The following PHF12 variants were observed in gnomAD, a reference collection of about 807,000 sequenced individuals.
PHF12 encodes PHD factor 1.
In PHF12, 6 loss-of-function variants were observed where a neutral mutation model predicts 99.8. The observed-to-expected ratio is 0.06, with a 90% CI of 0.03 to 0.12. The LOEUF (loss-of-function observed/expected upper bound fraction) is 0.12. Ranked by LOEUF, PHF12 falls within the 10% of genes least tolerant of loss-of-function variation. PHF12 has a pLI of 1.00. For missense variants in PHF12, 954 were observed against 1,300.1 expected (o/e 0.73, Z 4.09); for synonymous variants, 480 against 514.9 (o/e 0.93, Z 0.92).
chr17:28,924,095 T>A lies in PHF12; in HGVS notation c.529A>T (p.Thr177Ser). 6.2e-7 allele frequency: 1 copy of A among 1,614,158 alleles called. No individual in the cohort carries two copies. Among genetic ancestry groups the A allele is most frequent in the Non-Finnish European group, 8.5e-7 (1 of 1,180,022 alleles). ...TCGTCGACATCATTCTGCTCAGAGG[T>A]GGGAGTCTCTGTGCTGGCGCTGGAT... is the stretch of plus-strand genomic sequence containing the variant. Reference protein sequence around the residue: ...PTSSASTETPTSEQNDVDEDI... With the variant: ...PTSSASTETPSSEQNDVDEDI... The change falls in exon 4 of 15, where the codon ACC becomes TCC. Residue 177 changes from threonine to serine, a missense_variant. Coordinates refer to ENST00000332830, the MANE Select transcript of PHF12 (RefSeq NM_001033561.2).
rs763495366 is a variant in PHF12 at position 28,912,997 on chromosome 17, C to T, written c.1574G>A (p.Cys525Tyr). 1.3e-5 allele frequency: 21 copies of T among 1,614,212 alleles called. No homozygotes were observed. The South Asian group carries it at 2.3e-4, about 18-fold the overall frequency. Reference protein sequence around the residue: ...PALEDIGCSSCAEKSKKTPCG... With the variant: ...PALEDIGCSSYAEKSKKTPCG... The stretch of plus-strand genomic sequence containing the variant: ...AGGGGTTTTCTTGGATTTTTCCGCA[C>T]AAGAACTGCAGCCGATGTCCTCTAG... The change falls in exon 9 of 15, where the codon TGT becomes TAT. Residue 525 changes from cysteine to tyrosine, a missense_variant. Transcript: ENST00000332830.
rs2039991624 is a variant in PHF12, at chr17:28,912,914, A to G, written c.1657T>C (p.Tyr553His). ...TEVKANGPHL[Y>H]SSPTDSTDPR... The stretch of plus-strand genomic sequence containing the variant: ...TCCGTGGAATCAGTAGGGCTGCTGT[A>G]GAGGTGTGGGCCATTAGCTTTCACC... Residue 553 changes from tyrosine (Y) to histidine (H), a missense_variant, in exon 9 of 15, where the codon TAC (tyrosine) becomes CAC (histidine). Tyr to His is a moderately conservative substitution (Grantham distance 83). Around this residue, in one of 8 missense-constraint regions of PHF12, gnomAD observed 392 missense variants for 423.1 expected, o/e 0.93. Coordinates refer to ENST00000332830, the MANE Select transcript of PHF12 (RefSeq NM_001033561.2). The G allele has an allele frequency of 8.1e-6, 13 of 1,614,080 alleles. No individual in the cohort carries two copies. The highest frequency in any genetic ancestry group is 1.1e-5 in the Non-Finnish European group (13 of 1,180,014).
chr17:28,913,066 G>C lies in PHF12; in HGVS notation c.1505C>G (p.Thr502Ser). The C allele has an allele frequency of 6.2e-7, 1 of 1,614,170 alleles. No individual in the cohort carries two copies. ...TGGAGAGCAGCTCAGGGAATTCTGG[G>C]TGCTAATCCCTGAGGGGCAGGACAA... is the stretch of plus-strand genomic sequence containing the variant. ...YPLSCPSGIS[T>S]QNSLSCSPPH... is the part of the protein sequence containing the mutation. The change falls in exon 9 of 15, where the codon ACC (threonine) becomes AGC (serine). Residue 502 changes from threonine (T) to serine (S), a missense_variant. Physicochemically the swap from Thr to Ser is moderately conservative, Grantham distance 58. Around this residue, in one of 8 missense-constraint regions of PHF12, gnomAD observed 392 missense variants for 423.1 expected, o/e 0.93. Transcript: ENST00000332830.
In PHF12 at chr17:28,923,651, C is replaced by CAAAAAAAAAAAAAAA. The variant is rs1491183033; in HGVS notation, c.715+257_715+258insTTTTTTTTTTTTTTT. Among the ~76,000 whole-genome samples the CAAAAAAAAAAAAAAA allele has an allele frequency of 9.9e-3, 217 of 21,942 alleles. 16 individuals are homozygous for CAAAAAAAAAAAAAAA. Among genetic ancestry groups the CAAAAAAAAAAAAAAA allele is most frequent in the African/African-American group, 0.033 (142 of 4,318 alleles). The allele number at this position is 21,942 out of a possible 152,430, so 14.4% of individuals were successfully genotyped here. On this transcript the variant is annotated intron_variant, in intron 4 of 14. Transcript: ENST00000332830. ...CTAGCCTGAGTGACAAAGTGAGACT[C>CAAAAAAAAAAAAAAA]ACAAAAAAAAAAAAAAAAAAAAAAG...
intron 2 of PHF12, among the ~76,000 whole-genome samples, chr17:28,931,075 C>CA (rs201578902): frequency 0.028 from 4,221 of 152,050 alleles, 89 homozygotes; most frequent in Middle Eastern, 0.061. Context: ...ATAACAACAA[C>CA]AAAAAACAAA....
chr17:28,944,372 A>C (rs540220828), intron 2 of PHF12: 18 of 641,660 alleles, frequency 2.8e-5, no homozygotes, highest in Non-Finnish European at 3.1e-5. Context: ...CAAAAACTGT[A>C]ATCTTTCAAG....
rs116150452 is a variant in PHF12, at chr17:28,915,224, T to C, written c.1135-1187A>G. On this transcript the variant is annotated intron_variant, in intron 7 of 14. Coordinates refer to ENST00000332830, the MANE Select transcript of PHF12 (RefSeq NM_001033561.2). ...GGGAGAAGCATGTAAGGCATAGAGATGTGATAGCACTTTGTGGATTTGGAA... is the reference window on the plus strand; with the variant it reads ...GGGAGAAGCATGTAAGGCATAGAGACGTGATAGCACTTTGTGGATTTGGAA... Among the ~76,000 whole-genome samples the C allele has an allele frequency of 6.6e-3, 1,007 of 152,276 alleles. 13 individuals are homozygous for C. Among genetic ancestry groups the C allele is most frequent in the African/African-American group, 0.023 (964 of 41,538 alleles).
At chr17:28,921,291 T>C (rs1055625090) in intron 5 of PHF12, among the ~76,000 whole-genome samples, 1 of 152,038 alleles carries the variant, frequency 6.6e-6, no homozygotes, top group Admixed American at 6.6e-5. Context: ...GCCTCTGGAG[T>C]AGCTGGGACT....
intron 2 of PHF12, among the ~76,000 whole-genome samples, chr17:28,935,757 C>A (rs2040498442): frequency 6.6e-6 from 1 of 152,138 alleles, no homozygotes; most frequent in Non-Finnish European, 1.5e-5. Flanking sequence ...TATTAACATA[C>A]AAACCAATTC....
Position 28,949,976 on chromosome 17 carries a change from C to G in PHF12, c.248+89G>C. On this transcript the variant is annotated intron_variant, in intron 2 of 14. Transcript: ENST00000332830. This position sits in a 1 kb window ranked among gnomAD's most constrained non-coding sequence, Gnocchi z 4.6. Reference sequence around the variant, plus strand: ...AAGTCAGCTAGCGGCTGCAAGCGCCCGTTATTTCGGCAGTCAGGGGCAGGC... The same window carrying G: ...AAGTCAGCTAGCGGCTGCAAGCGCCGGTTATTTCGGCAGTCAGGGGCAGGC... The G allele has an allele frequency of 7.1e-7, 1 of 1,401,720 alleles. No individual in the cohort carries two copies. 86.8% of individuals were successfully genotyped at this position (1,401,720 alleles called of 1,614,324 possible). A position where few individuals can be genotyped will look rare whatever the true frequency, so the allele number is the denominator to read the frequency against.
At chr17:28,939,055 A>G (rs927083329) in intron 2 of PHF12, among the ~76,000 whole-genome samples, 2 of 152,234 alleles carry the variant, frequency 1.3e-5, no homozygotes, top group African/African-American at 2.4e-5. Flanking sequence ...TAACAAATAA[A>G]ATGGAGATAC....
chr17:28,922,453 A>G (rs1231181296), intron 4 of PHF12, among the ~76,000 whole-genome samples: 1 of 152,014 alleles, frequency 6.6e-6, no homozygotes, highest in Non-Finnish European at 1.5e-5. Context: ...TAAGCCTACC[A>G]ATTTCACTTT....
In PHF12 at chr17:28,905,361, G is replaced by A. The variant is rs1178551758; in HGVS notation, c.*822C>T. The A allele has an allele frequency of 1.3e-5, 2 of 152,690 alleles. No homozygotes were observed. Among genetic ancestry groups the A allele is most frequent in the African/African-American group, 4.8e-5 (2 of 41,406 alleles). 9.5% of individuals were successfully genotyped at this position (152,690 alleles called of 1,614,324 possible). A position where few individuals can be genotyped will look rare whatever the true frequency, so the allele number is the denominator to read the frequency against. On this transcript the variant is annotated 3_prime_UTR_variant, in exon 15 of 15. Coordinates refer to ENST00000332830, the MANE Select transcript of PHF12 (RefSeq NM_001033561.2). ...TGGTTGTGGGGGTGGGAGGAGAGGA[G>A]GGAACCAGGGGCAGGAGGAAGAGGA... is the stretch of plus-strand genomic sequence containing the variant.
chr17:28,948,405 A>T (rs1230439084), intron 2 of PHF12, among the ~76,000 whole-genome samples: 1 of 152,254 alleles, frequency 6.6e-6, no homozygotes, highest in African/African-American at 2.4e-5. Context: ...CTCCAGGTGG[A>T]TTACACCTTA....
Position 28,914,033 on chromosome 17 carries a change from G to A in PHF12, c.1139C>T (p.Pro380Leu). The change falls in exon 8 of 15, where the codon CCT becomes CTT. Residue 380 changes from proline (P) to leucine (L), a missense_variant. Physicochemically the swap from Pro to Leu is moderately conservative, Grantham distance 98. Transcript: ENST00000332830. ...CTGGTACTGAGATTTTATAGCATCA[G>A]GAACCTGTTCAGGATAGATAGAAGG... ...QSVKRRSLKVPDAIKSQYQFP... is the reference protein window; with the variant it reads ...QSVKRRSLKVLDAIKSQYQFP... 6.2e-7 allele frequency: 1 copy of A among 1,609,138 alleles called. No individual in the cohort carries two copies. The highest frequency in any genetic ancestry group is 1.7e-5 in the Admixed American group (1 of 59,856).
intron 3 of PHF12, chr17:28,926,497 T>G (rs2040276002): frequency 7.5e-6 from 2 of 265,584 alleles, no homozygotes; most frequent in South Asian, 6.9e-5. Context: ...TAAACCATGT[T>G]CTTGAAGCCA....
chr17:28,919,029 T>C, intron 6 of PHF12, 114 bp downstream of exon 6: 1 of 1,338,418 alleles, frequency 7.5e-7, no homozygotes, highest in Non-Finnish European at 1.0e-6. Flanking sequence ...CAGAAACCAG[T>C]ACCTATGACA....
intron 7 of PHF12, among the ~76,000 whole-genome samples, chr17:28,915,588 G>A (rs1017562833): frequency 6.6e-6 from 1 of 152,100 alleles, no homozygotes; most frequent in African/African-American, 2.4e-5. Context: ...ATGAGAGGAG[G>A]AGGAATAAAC....
In PHF12 at chr17:28,950,408, G is replaced by C. The variant is rs568859174; in HGVS notation, c.67-162C>G. 3.8e-5 allele frequency: 28 copies of C among 745,928 alleles called. No homozygotes were observed. Among genetic ancestry groups the C allele is most frequent in the South Asian group, 2.2e-4 (12 of 53,612 alleles). The allele number at this position is 745,928 out of a possible 1,614,324, so 46.2% of individuals were successfully genotyped here. On this transcript the variant is annotated intron_variant, in intron 1 of 14. Transcript: ENST00000332830. The surrounding 1 kb of genome is among the most constrained non-coding windows in gnomAD (Gnocchi z 5.7). Reference sequence around the variant, plus strand: ...ATCTCTCAGCCCCCGGAACCAGGGGGAGCCCACCCTAACCGCGTTCCTGCA... The same window carrying C: ...ATCTCTCAGCCCCCGGAACCAGGGGCAGCCCACCCTAACCGCGTTCCTGCA...
Sources: gnomAD v4.1 joint callset for allele counts (sites outside exome capture counted in the v4.1 genomes callset) on GRCh38, gnomAD v4.1.1 for gene constraint, gnomAD v4.1.1 regional missense constraint, Gnocchi (gnomAD v3.1) non-coding constraint, MANE v1.5 for transcripts, NCBI Gene and HGNC (gene_info 2026-07-23, HGNC 2026-07-21) for gene names.